ADAMTSL1: variants seen among roughly 807,000 people sequenced by gnomAD.
The protein encoded by ADAMTSL1 is ADAMTS-like protein 1.
Under a neutral mutation model 201.8 loss-of-function variants are expected in ADAMTSL1, and 126 were observed. The ratio of observed to expected loss-of-function variants is 0.62; its 90% confidence interval spans 0.54 to 0.72. ADAMTSL1 has a LOEUF of 0.72. Ranked by LOEUF, ADAMTSL1 falls within the 30% of genes least tolerant of loss-of-function variation. ADAMTSL1 has a pLI of 0.00. For missense variants in ADAMTSL1, 2,679 were observed against 2,277.8 expected (o/e 1.18, Z -3.59); for synonymous variants, 1,121 against 903.4 (o/e 1.24, Z -4.32).
chr9:18,276,545 C>G (rs1002127324), intron 2 of ADAMTSL1, among the ~76,000 whole-genome samples: 3 of 152,044 alleles, frequency 2.0e-5, no homozygotes, highest in African/African-American at 2.4e-5. Flanking sequence ...AAGGGAATAC[C>G]TGAGGCTTGC....
chr9:18,865,396 T>C (rs921640222), intron 23 of ADAMTSL1, among the ~76,000 whole-genome samples: 1 of 152,230 alleles, frequency 6.6e-6, no homozygotes, highest in African/African-American at 2.4e-5. Flanking sequence ...CTGCATTGTA[T>C]TCCATGGTGT....
chr9:17,963,953 A>G (rs1441101520), intron 1 of ADAMTSL1, among the ~76,000 whole-genome samples: 1 of 152,098 alleles, frequency 6.6e-6, no homozygotes, highest in Non-Finnish European at 1.5e-5. Context: ...TGCCTTTAAC[A>G]TGCTCATAGA....
intron 1 of ADAMTSL1, among the ~76,000 whole-genome samples, chr9:18,006,427 C>G (rs942367237): frequency 6.6e-6 from 1 of 152,036 alleles, no homozygotes; most frequent in African/African-American, 2.4e-5. Context: ...GCAGCTGGCT[C>G]CAACATACCA....
intron 15 of ADAMTSL1, among the ~76,000 whole-genome samples, chr9:18,751,770 A>T (rs1819481658): frequency 6.6e-6 from 1 of 152,206 alleles, no homozygotes; most frequent in African/African-American, 2.4e-5. Flanking sequence ...TTATATTTGG[A>T]TATATAGAAA....
chr9:18,049,948 AG>A (rs1821856032), intron 1 of ADAMTSL1, among the ~76,000 whole-genome samples: 1 of 152,180 alleles, frequency 6.6e-6, no homozygotes, highest in African/African-American at 2.4e-5. Flanking sequence ...GTGGGATAAA[AG>A]CACCTTCATT....
intron 1 of ADAMTSL1, among the ~76,000 whole-genome samples, chr9:17,995,959 G>A (rs954003135): frequency 1.3e-5 from 2 of 151,940 alleles, no homozygotes; most frequent in Admixed American, 1.3e-4. Flanking sequence ...TACAGCTGTT[G>A]TGATGAGGAC....
chr9:18,564,136 G>A (rs1235020179), intron 3 of ADAMTSL1, among the ~76,000 whole-genome samples: 2 of 152,196 alleles, frequency 1.3e-5, no homozygotes, highest in Non-Finnish European at 2.9e-5. Context: ...CTGGGCCCTG[G>A]TTGCGTGGGC....
At chr9:18,471,335 G>A (rs751051048), upstream of ADAMTSL1, among the ~76,000 whole-genome samples, 3 of 152,114 alleles carry the variant, frequency 2.0e-5, no homozygotes, top group Non-Finnish European at 4.4e-5. Flanking sequence ...TCGGTAAACC[G>A]TGGCTCAATG....
At chr9:18,584,311 T>G (rs1395874846) in intron 4 of ADAMTSL1, among the ~76,000 whole-genome samples, 1 of 151,430 alleles carries the variant, frequency 6.6e-6, no homozygotes, top group Non-Finnish European at 1.5e-5. Flanking sequence ...ACAAGCTCTC[T>G]TCTTTTGTCT....
intron 2 of ADAMTSL1, among the ~76,000 whole-genome samples, chr9:18,173,720 C>G (rs938084070): frequency 1.3e-5 from 2 of 152,118 alleles, no homozygotes; most frequent in Admixed American, 6.5e-5. Flanking sequence ...CAGACAACCT[C>G]TCAAATACAG....
At chr9:18,041,038 A>AG (rs910526116) in intron 1 of ADAMTSL1, among the ~76,000 whole-genome samples, 34 of 152,304 alleles carry the variant, frequency 2.2e-4, no homozygotes, top group Middle Eastern at 3.4e-3. Context: ...ACCATCCACT[A>AG]GGGGGGCAAT....
At chr9:18,259,517 A>G (rs1199359451) in intron 2 of ADAMTSL1, among the ~76,000 whole-genome samples, 1 of 152,114 alleles carries the variant, frequency 6.6e-6, no homozygotes, top group African/African-American at 2.4e-5. Flanking sequence ...CTCAAAAAAA[A>G]AAAAAAAATA....
At chr9:18,294,666 C>T (rs1251452566) in intron 2 of ADAMTSL1, among the ~76,000 whole-genome samples, 1 of 152,196 alleles carries the variant, frequency 6.6e-6, no homozygotes, top group Non-Finnish European at 1.5e-5. Flanking sequence ...GGAAAGCTCT[C>T]AGTCTTCAGA....
chr9:17,972,270 G>A (rs994388399), intron 1 of ADAMTSL1, among the ~76,000 whole-genome samples: 15 of 131,534 alleles, frequency 1.1e-4, no homozygotes, highest in Admixed American at 3.2e-4. Context: ...CCATTAACTC[G>A]TCATTTAGCA....
chr9:18,063,582 C>T (rs960569814), intron 1 of ADAMTSL1, among the ~76,000 whole-genome samples: 2 of 152,108 alleles, frequency 1.3e-5, no homozygotes, highest in African/African-American at 2.4e-5. Flanking sequence ...GTTAGCGAAG[C>T]GAATGCAGGG....
chr9:18,902,921 T>A (rs992573586), intron 26 of ADAMTSL1, among the ~76,000 whole-genome samples: 2 of 152,102 alleles, frequency 1.3e-5, no homozygotes, highest in African/African-American at 4.8e-5. Context: ...ATAAAAAGGA[T>A]TGGCCAGGCA....
intron 13 of ADAMTSL1, among the ~76,000 whole-genome samples, chr9:18,698,474 T>A (rs981941106): frequency 5.9e-5 from 9 of 151,958 alleles, no homozygotes; most frequent in African/African-American, 2.2e-4. Context: ...TTAGTAGAGA[T>A]GAGGTTTCAC....
At chr9:18,490,685 G>A (rs1233466360) in intron 1 of ADAMTSL1, among the ~76,000 whole-genome samples, 1 of 152,130 alleles carries the variant, frequency 6.6e-6, no homozygotes, top group Non-Finnish European at 1.5e-5. Flanking sequence ...TAGTCCAGAT[G>A]AGTAAGAAAA....
At chr9:18,508,040 C>G (rs1246028659) in intron 2 of ADAMTSL1, among the ~76,000 whole-genome samples, 1 of 152,060 alleles carries the variant, frequency 6.6e-6, no homozygotes, top group Non-Finnish European at 1.5e-5. Flanking sequence ...CAAAAATTAG[C>G]TGGGCGTGGT....
Sources: allele counts gnomAD v4.1 joint callset (sites outside exome capture counted in the v4.1 genomes callset), GRCh38; gene constraint gnomAD v4.1.1; transcripts MANE v1.5; gene names NCBI Gene and HGNC (gene_info 2026-07-23, HGNC 2026-07-21).